TCF7: variants seen among roughly 807,000 people sequenced by gnomAD.
TCF7 encodes the protein T-cell-factor-7.
Under a neutral mutation model 46.8 loss-of-function variants are expected in TCF7, and 19 were observed. The ratio of observed to expected loss-of-function variants is 0.41; its 90% CI spans 0.28 to 0.60. The LOEUF (loss-of-function observed/expected upper bound fraction) is 0.60. Among genes scored for constraint, TCF7 ranks in the 20% least tolerant of loss-of-function variants. TCF7 has a pLI of 0.35. For missense variants in TCF7, 547 were observed against 504.6 expected, an observed-to-expected ratio of 1.08 and a Z score of -0.81; for synonymous variants, 245 against 213.4, an observed-to-expected ratio of 1.15 and a Z score of -1.29.
At chr5:134,111,590 C>T (rs1259952745), upstream of TCF7, among the ~76,000 whole-genome samples, 2 of 152,114 alleles carry the variant, frequency 1.3e-5, no homozygotes, top group African/African-American at 4.8e-5. Flanking sequence ...ATTCTAGGCC[C>T]TCTCTGCCAG....
intron 4 of TCF7, 165 bp from the exon 5 acceptor site, chr5:134,138,786 A>C (rs911094944): frequency 2.6e-5 from 29 of 1,118,794 alleles, no homozygotes; most frequent in Non-Finnish European, 3.3e-5. Flanking sequence ...TCAAAGGGGC[A>C]CTATTATCAC....
chr5:134,108,571 C>T, the TCF7 span, among the ~76,000 whole-genome samples: 18 of 152,128 alleles, frequency 1.2e-4, no homozygotes, highest in South Asian at 2.1e-4. Flanking sequence ...GAGCTTTCCT[C>T]GGGGCACTGA....
At chr5:134,129,450 A>G (rs1268917818) in intron 3 of TCF7, among the ~76,000 whole-genome samples, 1 of 152,166 alleles carries the variant, frequency 6.6e-6, no homozygotes, top group African/African-American at 2.4e-5. Flanking sequence ...CTGGGCACTG[A>G]TGGGGAGCTG....
intron 3 of TCF7, among the ~76,000 whole-genome samples, chr5:134,124,469 G>A (rs1206429933): frequency 1.3e-5 from 2 of 152,130 alleles, no homozygotes; most frequent in African/African-American, 4.8e-5. Flanking sequence ...TGCTGGATAG[G>A]GACTCTGGCC....
chr5:134,141,128 A>G, intron 5 of TCF7: 1 of 223,562 alleles, frequency 4.5e-6, no homozygotes, highest in Non-Finnish European at 9.0e-6. Flanking sequence ...CAGTACAGGC[A>G]TATGTGGCTC....
At position 134,115,369 on chromosome 5, in the gene TCF7, C is replaced by T. The variant is rs75056466; in HGVS notation, c.298C>T (p.Pro100Ser). 6.2e-7 allele frequency: 1 copy of T among 1,602,666 alleles called. No homozygotes were observed. The highest frequency in any genetic ancestry group is 1.3e-5 in the African/African-American group (1 of 74,658). The change falls in exon 2 of 10, where the codon CCA (proline) becomes TCA (serine). Residue 100 changes from proline (P) to serine (S), a missense_variant. Physicochemically the swap from Pro to Ser is moderately conservative, Grantham distance 74. Around this residue, in one of 3 missense-constraint regions of TCF7, gnomAD observed 425 missense variants for 349.9 expected, o/e 1.21. Coordinates refer to ENST00000342854, the MANE Select transcript of TCF7 (RefSeq NM_003202.5). Reference sequence around the variant, plus strand: ...GCAGAGACTCTTCCCGGACAAACTTCCAGAGCCCCTGGAGGACGGTGAGTT... The same window carrying T: ...GCAGAGACTCTTCCCGGACAAACTTTCAGAGCCCCTGGAGGACGGTGAGTT... The part of the protein sequence containing the change: ...AAQRLFPDKL[P>S]EPLEDGLKAP...
Position 134,115,517 on chromosome 5 carries a change from G to C in TCF7, c.316+130G>C. On this transcript the variant is annotated intron_variant, in intron 2 of 9. Coordinates refer to ENST00000342854, the MANE Select transcript of TCF7 (RefSeq NM_003202.5). ...AGCTCAGGAGGCGGCAGAACCCAGG[G>C]GTGGAGAGTGGGGGGCGGGCTTCCC... is the stretch of plus-strand genomic sequence containing the variant. 2.7e-6 allele frequency: 4 copies of C among 1,459,690 alleles called. No individual in the cohort carries two copies. The South Asian group carries it at 5.6e-5, about 20-fold the overall frequency. 90.4% of individuals were successfully genotyped at this position (1,459,690 alleles called of 1,614,324 possible). A position where few individuals can be genotyped will look rare whatever the true frequency, so the allele number is the denominator to read the frequency against.
intron 5 of TCF7, 33 bp from the exon 6 acceptor site, chr5:134,142,152 T>C: frequency 6.2e-7 from 1 of 1,613,814 alleles, no homozygotes; most frequent in South Asian, 1.1e-5. Context: ...CCCATAATTC[T>C]TGGCTCAGTG....
At chr5:134,130,270 G>T (rs73790169) in intron 3 of TCF7, among the ~76,000 whole-genome samples, 1 of 152,218 alleles carries the variant, frequency 6.6e-6, no homozygotes, top group Admixed American at 6.5e-5. Context: ...GTCGATTGTT[G>T]TAGTCTGAGG....
upstream of TCF7, among the ~76,000 whole-genome samples, chr5:134,110,328 A>G (rs1158289569): frequency 2.6e-5 from 4 of 152,236 alleles, no homozygotes; most frequent in East Asian, 1.9e-4. Context: ...AACCCACAGA[A>G]GAGTCCTTCC....
chr5:134,134,365 G>A (rs1015657342), intron 3 of TCF7, among the ~76,000 whole-genome samples: 7 of 152,262 alleles, frequency 4.6e-5, no homozygotes, highest in Admixed American at 2.0e-4. Flanking sequence ...CAGGAGCTTA[G>A]ACTCGAAAGC....
At chr5:134,143,251 C>T (rs761723963) in intron 8 of TCF7, 151 bp downstream of exon 8, 2 of 821,820 alleles carry the variant, frequency 2.4e-6, no homozygotes, top group Non-Finnish European at 4.0e-6. Flanking sequence ...CCATGGCTGC[C>T]TCAGAAGAGG....
At chr5:134,112,381 G>A (rs1040870712), upstream of TCF7, among the ~76,000 whole-genome samples, 10 of 152,344 alleles carry the variant, frequency 6.6e-5, no homozygotes, top group East Asian at 1.5e-3. Flanking sequence ...GCCAGGGCTA[G>A]GTACACAGTA....
At position 134,146,454 on chromosome 5, in the gene TCF7, A is replaced by C. The variant is rs771644204; in HGVS notation, c.*151A>C. 7.9e-6 allele frequency: 7 copies of C among 891,082 alleles called. No individual in the cohort carries two copies. The Admixed American group carries it at 1.3e-4, about 17-fold the overall frequency. The allele number at this position is 891,082 out of a possible 1,614,324, so 55.2% of individuals were successfully genotyped here. On this transcript the variant is annotated 3_prime_UTR_variant, in exon 10 of 10. Coordinates refer to ENST00000342854, the MANE Select transcript of TCF7 (RefSeq NM_003202.5). Reference sequence around the variant, plus strand: ...AGCCTCCCAACCCCAGGGCCCCCACAGGCCCCCCGCAGCACCCTGCAGAGC... The same window carrying C: ...AGCCTCCCAACCCCAGGGCCCCCACCGGCCCCCCGCAGCACCCTGCAGAGC...
chr5:134,109,560 A>G, the TCF7 span, among the ~76,000 whole-genome samples: 1 of 152,162 alleles, frequency 6.6e-6, no homozygotes, highest in East Asian at 1.9e-4. Context: ...AGCTGAGGTC[A>G]GGAGTTCGAG....
chr5:134,125,275 C>T (rs1757189700), intron 3 of TCF7, among the ~76,000 whole-genome samples: 3 of 152,360 alleles, frequency 2.0e-5, no homozygotes, highest in South Asian at 4.1e-4. Flanking sequence ...ATTACTGATG[C>T]TTTGTAAACT....
intron 3 of TCF7, among the ~76,000 whole-genome samples, chr5:134,133,303 G>T (rs1165271970): frequency 6.6e-6 from 1 of 152,230 alleles, no homozygotes; most frequent in Admixed American, 6.5e-5. Context: ...GCCCTCAGAG[G>T]ATGAGGGCAA....
chr5:134,146,237 T>C lies in TCF7; in HGVS notation c.1089T>C (p.Asn363=). The change falls in exon 10 of 10, where the codon AAT becomes AAC. Residue 363 remains asparagine, a synonymous_variant. Coordinates refer to ENST00000342854, the MANE Select transcript of TCF7 (RefSeq NM_003202.5). ...CACTATTCCTAGGAGGAAAAAGAAA[T>C]GCATTCGGTACTTACCCGGAGAAGG... ...HQESTTGGKR[N]AFGTYPEKAA... 1.9e-6 allele frequency: 3 copies of C among 1,614,172 alleles called. No homozygotes were observed. The highest frequency in any genetic ancestry group is 2.5e-6 in the Non-Finnish European group (3 of 1,180,030).
chr5:134,130,544 G>T lies in TCF7; in HGVS notation c.442-7515G>T, dbSNP rs868031204. 4.6e-5 allele frequency among the ~76,000 whole-genome samples: 7 copies of T among 152,336 alleles called. No individual in the cohort carries two copies. In the Middle Eastern group the frequency reaches 0.01, roughly 222 times the overall value. On this transcript the variant is annotated intron_variant, in intron 3 of 9. Coordinates refer to ENST00000342854, the MANE Select transcript of TCF7 (RefSeq NM_003202.5). ...GGCCCAGGTGTCTGTCCAGAAGAAG[G>T]GGTGCTTTTTCTAATTAGCACAAAT...
Sources: allele counts gnomAD v4.1 joint callset (sites outside exome capture counted in the v4.1 genomes callset), GRCh38; gene constraint gnomAD v4.1.1; regional missense constraint gnomAD v4.1.1; transcripts MANE v1.5; gene names NCBI Gene and HGNC (gene_info 2026-07-23, HGNC 2026-07-21).